Variants in IDO2 observed in about 807,000 individuals in gnomAD.
IDO2 encodes the protein indoleamine 2,3-dioxygenase 2, also known as indoleamine 2,3-dioxygenase-like 1 protein.
A neutral mutation model predicts 45.1 loss-of-function variants in IDO2; 46 were observed. The ratio of observed to expected loss-of-function variants is 1.02; its 90% CI spans 0.80 to 1.30. The LOEUF (loss-of-function observed/expected upper bound fraction) is 1.30. IDO2 is among the 50% of genes most tolerant of loss of function. The pLI is 0.00. For synonymous variants in IDO2, 218 were observed against 184.9 expected, an observed-to-expected ratio of 1.18 and a Z score of -1.45; for missense variants, 544 against 491.8, an observed-to-expected ratio of 1.11 and a Z score of -1.00.
chr8:39,965,589 G>T (rs1808073207), intron 3 of IDO2, among the ~76,000 whole-genome samples: 1 of 152,184 alleles, frequency 6.6e-6, no homozygotes. Context: ...TGCATAATCT[G>T]TGAAAGTGGT....
At chr8:40,006,886 C>T (rs558541171) in intron 9 of IDO2, among the ~76,000 whole-genome samples, 65 of 152,152 alleles carry the variant, frequency 4.3e-4, no homozygotes, top group Non-Finnish European at 7.5e-4. Context: ...GTCTCGAACT[C>T]CTGACCTCAG....
chr8:39,994,174 A>G (rs1801992322), intron 8 of IDO2, among the ~76,000 whole-genome samples: 1 of 152,154 alleles, frequency 6.6e-6, no homozygotes, highest in South Asian at 2.1e-4. Context: ...TTCAACACAG[A>G]GGATGATAGT....
rs1807520188 is a variant in IDO2, at chr8:39,934,789, GC to G, written c.-446del. 3.4e-6 allele frequency: 1 copy of G among 292,988 alleles called. No homozygotes were observed. The highest frequency in any genetic ancestry group is 6.5e-6 in the Non-Finnish European group (1 of 154,104). 18.1% of individuals were successfully genotyped at this position (292,988 alleles called of 1,614,324 possible). The stretch of plus-strand genomic sequence containing the variant: ...TGGTTGTACTTTTGCCATAGGAGTG[GC>G]AGCCAGAGAACTGAGCCCAATGAAT... On this transcript the variant is annotated 5_prime_UTR_variant, in exon 1 of 11. An upstream open reading frame in the 5' UTR loses its in-frame stop. Coordinates refer to ENST00000502986, the Ensembl canonical transcript of IDO2.
At chr8:39,936,458 G>A (rs1484787703) in intron 1 of IDO2, among the ~76,000 whole-genome samples, 2 of 152,196 alleles carry the variant, frequency 1.3e-5, no homozygotes, top group East Asian at 3.8e-4. Flanking sequence ...ACAGGCTGAA[G>A]AAAGAGGCTG....
chr8:40,015,515 C>G (rs1471000451), exon 11 of IDO2: 28 of 1,614,014 alleles, frequency 1.7e-5, no homozygotes, highest in Non-Finnish European at 2.2e-5. Flanking sequence ...CTTTAAAAGA[C>G]AGGGGCACAG....
rs576975879 is a variant in IDO2, at chr8:39,967,718, C to T, written c.195+4015C>T. Among the ~76,000 whole-genome samples the T allele has an allele frequency of 6.7e-4, 102 of 152,302 alleles. 1 individual carries two copies. The South Asian group carries it at 0.01, about 15-fold the overall frequency. ...GGCCAGGCTGGTCTCAAACTCCTGA[C>T]CTCAGGTGATCCACCCGCCTTGGCC... On this transcript the variant is annotated intron_variant, in intron 3 of 10. Transcript: ENST00000502986.
chr8:39,949,693 G>T (rs1342833513), intron 2 of IDO2, among the ~76,000 whole-genome samples: 1 of 152,128 alleles, frequency 6.6e-6, no homozygotes, highest in Admixed American at 6.6e-5. Flanking sequence ...TTTCTCCTTT[G>T]CATGACTACA....
intron 5 of IDO2, among the ~76,000 whole-genome samples, chr8:39,982,998 T>C (rs978115187): frequency 2.6e-5 from 4 of 152,254 alleles, no homozygotes; most frequent in African/African-American, 9.6e-5. Context: ...ACATGACGTG[T>C]GAATTTCTCA....
chr8:40,002,235 G>A (rs904316372), intron 8 of IDO2, among the ~76,000 whole-genome samples: 9 of 152,230 alleles, frequency 5.9e-5, no homozygotes, highest in South Asian at 2.1e-4. Flanking sequence ...CTATGGATAA[G>A]CACAAACCTG....
At chr8:39,995,839 C>G (rs1802034893) in intron 8 of IDO2, among the ~76,000 whole-genome samples, 1 of 152,062 alleles carries the variant, frequency 6.6e-6, no homozygotes, top group African/African-American at 2.4e-5. Flanking sequence ...TTCTGTTATG[C>G]CCGGACAGGG....
chr8:39,971,283 C>T (rs1021404538), intron 3 of IDO2, among the ~76,000 whole-genome samples: 15 of 152,260 alleles, frequency 9.9e-5, no homozygotes, highest in Admixed American at 9.8e-4. Context: ...TTACAGCATG[C>T]TTTACTGAAT....
chr8:39,996,880 C>A (rs184209914), intron 8 of IDO2, among the ~76,000 whole-genome samples: 1 of 152,160 alleles, frequency 6.6e-6, no homozygotes. Context: ...CTAGTGTTAA[C>A]AAAAGCTCCA....
intron 2 of IDO2, among the ~76,000 whole-genome samples, chr8:39,956,231 G>T (rs1343392962): frequency 6.6e-6 from 1 of 151,754 alleles, no homozygotes; most frequent in Admixed American, 6.6e-5. Flanking sequence ...GCTAATTTTT[G>T]TATCCTTTTT....
chr8:40,010,338 G>A (rs1478159979), intron 9 of IDO2, among the ~76,000 whole-genome samples: 3 of 152,176 alleles, frequency 2.0e-5, no homozygotes, highest in Non-Finnish European at 2.9e-5. Flanking sequence ...AGCCAGCAGG[G>A]CCGCAACACT....
At chr8:39,998,795 C>T (rs193087205) in intron 8 of IDO2, among the ~76,000 whole-genome samples, 336 of 151,844 alleles carry the variant, frequency 2.2e-3, no homozygotes, top group African/African-American at 7.8e-3. Flanking sequence ...TGCACACCAC[C>T]ACACCCCACT....
At chr8:39,992,746 G>A (rs1801958665) in intron 8 of IDO2, among the ~76,000 whole-genome samples, 1 of 152,250 alleles carries the variant, frequency 6.6e-6, no homozygotes, top group South Asian at 2.1e-4. Flanking sequence ...CCAAAATGGA[G>A]CGTACCAAAC....
intron 3 of IDO2, among the ~76,000 whole-genome samples, chr8:39,965,525 T>TATA (rs75672705): frequency 1.3e-5 from 2 of 151,894 alleles, no homozygotes; most frequent in Non-Finnish European, 1.5e-5. Context: ...TATATATATA[T>TATA]TAAAATACAA....
chr8:39,963,549 C>T (rs529571227), intron 2 of IDO2, 59 bp from the exon 3 acceptor site: 15 of 965,490 alleles, frequency 1.6e-5, no homozygotes, highest in South Asian at 6.2e-5. Context: ...AATAGCTACT[C>T]TCGGAAGCCC....
intron 1 of IDO2, among the ~76,000 whole-genome samples, chr8:39,948,378 A>G (rs1807769282): frequency 6.6e-6 from 1 of 152,150 alleles, no homozygotes; most frequent in African/African-American, 2.4e-5. Flanking sequence ...GTAACTTCTA[A>G]TTTTGAAGTG....
Sources: gnomAD v4.1 joint callset for allele counts (sites outside exome capture counted in the v4.1 genomes callset) on GRCh38, gnomAD v4.1.1 for gene constraint, MANE v1.5 for transcripts, NCBI Gene and HGNC (gene_info 2026-07-23, HGNC 2026-07-21) for gene names.